Variants in CORO2A observed in about 807,000 individuals in gnomAD.
CORO2A encodes coronin-2A.
In CORO2A, 47 loss-of-function variants were observed where a neutral mutation model predicts 62.4. That is an observed-to-expected ratio of 0.75 (90% CI 0.60 to 0.96). The LOEUF (loss-of-function observed/expected upper bound fraction) is 0.96, where lower values mean the gene tolerates loss of function less well. CORO2A is among the 40% of genes least tolerant of loss of function. The pLI, the probability that CORO2A is intolerant of heterozygous loss-of-function variation, is 0.00. For missense variants in CORO2A, 610 were observed against 684.1 expected (o/e 0.89, Z 1.21); for synonymous variants, 273 against 268.9 (o/e 1.02, Z -0.15).
chr9:98,155,768 G>T (rs1049400388), intron 2 of CORO2A, among the ~76,000 whole-genome samples: 1 of 152,128 alleles, frequency 6.6e-6, no homozygotes, highest in African/African-American at 2.4e-5. Context: ...TATTGTTAAT[G>T]TTCTCAAATT....
intron 2 of CORO2A, among the ~76,000 whole-genome samples, chr9:98,156,962 T>A (rs2118874409): frequency 6.6e-6 from 1 of 152,338 alleles, no homozygotes; most frequent in East Asian, 1.9e-4. Flanking sequence ...GTGAAAATGT[T>A]GCTTTTTTGG....
At chr9:98,138,844 C>T (rs372739932) in intron 2 of CORO2A, among the ~76,000 whole-genome samples, 1 of 151,684 alleles carries the variant, frequency 6.6e-6, no homozygotes, top group Non-Finnish European at 1.5e-5. Context: ...GTCAGGAGAT[C>T]GAGACCATCC....
At chr9:98,151,036 A>G (rs989407546) in intron 2 of CORO2A, among the ~76,000 whole-genome samples, 1 of 152,196 alleles carries the variant, frequency 6.6e-6, no homozygotes, top group African/African-American at 2.4e-5. Context: ...CTTCCTGAAC[A>G]TTCTATATAC....
At position 98,128,216 on chromosome 9, in the gene CORO2A, G is replaced by C. The variant is rs1827355458; in HGVS notation, c.1125C>G (p.Ala375=). The C allele has an allele frequency of 6.2e-7, 1 of 1,613,372 alleles. No individual in the cohort carries two copies. Among genetic ancestry groups the C allele is most frequent in the Non-Finnish European group, 8.5e-7 (1 of 1,179,686 alleles). ...ACTCCTGGGCCGTCAGGGAGGGCTG[G>C]GCCCCTGCTGTTGGAGGGTATATGT... ...QEDIYPPTAG[A]QPSLTAQEWL... is the part of the protein sequence containing the mutation. The change falls in exon 10 of 12, where the codon GCC becomes GCG. Residue 375 remains alanine, a synonymous_variant. Coordinates refer to ENST00000375077, the MANE Select transcript of CORO2A (RefSeq NM_052820.4).
chr9:98,136,276 T>C (rs1377708659), intron 3 of CORO2A, among the ~76,000 whole-genome samples: 1 of 152,242 alleles, frequency 6.6e-6, no homozygotes, highest in Non-Finnish European at 1.5e-5. Flanking sequence ...ACAGGGCCAA[T>C]TCTCACAGGA....
intron 1 of CORO2A, among the ~76,000 whole-genome samples, chr9:98,189,887 A>AT (rs950543958): frequency 0.047 from 4,221 of 89,718 alleles, 188 homozygotes; most frequent in African/African-American, 0.22. Flanking sequence ...CAACTCCTTT[A>AT]TTTTTTTTTT....
intron 2 of CORO2A, among the ~76,000 whole-genome samples, chr9:98,141,739 T>C (rs994931873): frequency 3.3e-5 from 5 of 152,238 alleles, no homozygotes; most frequent in Non-Finnish European, 4.4e-5. Flanking sequence ...GAGCATGTTG[T>C]GCACCTGCTC....
chr9:98,139,920 T>A (rs1381039664), intron 2 of CORO2A, among the ~76,000 whole-genome samples: 1 of 152,192 alleles, frequency 6.6e-6, no homozygotes, highest in Non-Finnish European at 1.5e-5. Flanking sequence ...GGGAGGGACA[T>A]ACAGGTCCCC....
intron 1 of CORO2A, among the ~76,000 whole-genome samples, chr9:98,192,147 G>A (rs28703824): frequency 0.19 from 28,212 of 152,186 alleles, 3,472 homozygotes; most frequent in African/African-American, 0.35. Context: ...AAGAGGGGGA[G>A]GGTCCCGACA....
At chr9:98,185,338 G>C (rs1379984999) in intron 1 of CORO2A, among the ~76,000 whole-genome samples, 1 of 152,248 alleles carries the variant, frequency 6.6e-6, no homozygotes, top group Admixed American at 6.5e-5. Flanking sequence ...ATAGGTGGTT[G>C]CTGGGGTGAA....
intron 1 of CORO2A, among the ~76,000 whole-genome samples, chr9:98,173,357 C>T (rs1327616564): frequency 6.6e-6 from 1 of 152,172 alleles, no homozygotes; most frequent in Non-Finnish European, 1.5e-5. Context: ...CATCTGGGGG[C>T]GCGGAGGATT....
At chr9:98,135,091 C>T (rs1827467742) in intron 3 of CORO2A, 136 bp from the exon 4 acceptor site, 3 of 1,175,146 alleles carry the variant, frequency 2.6e-6, no homozygotes, top group Admixed American at 2.7e-5. Context: ...CACTCAGTGG[C>T]TATGGGCATT....
chr9:98,187,574 A>G (rs1828255765), intron 1 of CORO2A, among the ~76,000 whole-genome samples: 1 of 152,084 alleles, frequency 6.6e-6, no homozygotes, highest in Non-Finnish European at 1.5e-5. Context: ...GTGAGGGCCC[A>G]CTTCCTGGGT....
At chr9:98,137,542 A>G (rs1203460816) in intron 3 of CORO2A, 30 bp downstream of exon 3, 1 of 1,570,970 alleles carries the variant, frequency 6.4e-7, no homozygotes, top group East Asian at 2.2e-5. Context: ...CTCTTCAGGA[A>G]GGGGAAGCCC....
intron 1 of CORO2A, among the ~76,000 whole-genome samples, chr9:98,159,806 G>C (rs143603482): frequency 2.0e-3 from 308 of 152,140 alleles, no homozygotes; most frequent in African/African-American, 7.2e-3. Flanking sequence ...CTTCCTCAGA[G>C]AAGGCTCTGC....
chr9:98,187,079 G>C (rs10818586), intron 1 of CORO2A, among the ~76,000 whole-genome samples: 1 of 151,622 alleles, frequency 6.6e-6, no homozygotes, highest in Admixed American at 6.6e-5. Context: ...GGAGATTGAG[G>C]CCATCCTGGC....
intron 2 of CORO2A, among the ~76,000 whole-genome samples, chr9:98,143,866 C>T (rs561615239): frequency 1.3e-5 from 2 of 152,322 alleles, no homozygotes; most frequent in East Asian, 3.9e-4. Flanking sequence ...CTGGTGAATG[C>T]AGGCAGCTGG....
chr9:98,164,802 G>A (rs1238171779), intron 1 of CORO2A, among the ~76,000 whole-genome samples: 6 of 152,136 alleles, frequency 3.9e-5, no homozygotes, highest in African/African-American at 1.4e-4. Context: ...GGTCCTTGCC[G>A]CTCTCCACAG....
chr9:98,156,147 A>G (rs1827800592), intron 2 of CORO2A, among the ~76,000 whole-genome samples: 1 of 149,964 alleles, frequency 6.7e-6, no homozygotes, highest in Non-Finnish European at 1.5e-5. Context: ...GGCTCAGGTA[A>G]TCTGACCTCA....
Sources: gnomAD v4.1 joint callset for allele counts (sites outside exome capture counted in the v4.1 genomes callset) on GRCh38, gnomAD v4.1.1 for gene constraint, MANE v1.5 for transcripts, NCBI Gene and HGNC (gene_info 2026-07-23, HGNC 2026-07-21) for gene names.